Variants in CLSTN2 observed in about 807,000 individuals in gnomAD.
The protein encoded by CLSTN2 is calsyntenin-2.
In CLSTN2, 48 loss-of-function variants were observed where a neutral mutation model predicts 101.2. The ratio of observed to expected loss-of-function variants is 0.47; its 90% CI spans 0.38 to 0.60. The LOEUF (loss-of-function observed/expected upper bound fraction) is 0.60, where lower values mean the gene tolerates loss of function less well. CLSTN2 is among the 20% of genes least tolerant of loss of function. CLSTN2 has a pLI of 0.00. For synonymous variants in CLSTN2, 481 were observed against 463.6 expected, an observed-to-expected ratio of 1.04 and a Z score of -0.48; for missense variants, 1,160 against 1,238.2, an observed-to-expected ratio of 0.94 and a Z score of 0.95.
At chr3:140,123,850 GTA>G (rs66933695) in intron 1 of CLSTN2, among the ~76,000 whole-genome samples, 106,336 of 149,576 alleles carry the variant, frequency 0.71, 37,771 homozygotes, top group East Asian at 0.76. Context: ...ATGTGTGTGT[GTA>G]TATATATATA....
chr3:140,541,305 T>C (rs981487321), intron 9 of CLSTN2, among the ~76,000 whole-genome samples: 5 of 152,252 alleles, frequency 3.3e-5, no homozygotes, highest in Non-Finnish European at 7.3e-5. Context: ...AATTTAAAAA[T>C]TGTCTTTCTC....
At chr3:140,356,204 G>A (rs771246462) in intron 2 of CLSTN2, among the ~76,000 whole-genome samples, 3 of 152,128 alleles carry the variant, frequency 2.0e-5, no homozygotes, top group Non-Finnish European at 4.4e-5. Context: ...CAATAAACAT[G>A]GGAACTTAAA....
intron 8 of CLSTN2, among the ~76,000 whole-genome samples, chr3:140,469,871 G>A (rs549688810): frequency 1.3e-5 from 2 of 152,212 alleles, no homozygotes; most frequent in South Asian, 2.1e-4. Context: ...GAAAACCTCC[G>A]GGTGATTAAT....
At chr3:140,535,963 C>A (rs1167227840) in intron 9 of CLSTN2, among the ~76,000 whole-genome samples, 1 of 152,088 alleles carries the variant, frequency 6.6e-6, no homozygotes, top group Non-Finnish European at 1.5e-5. Context: ...CATATGACAA[C>A]CCTGTAATAA....
chr3:140,324,798 A>G (rs1479875), intron 2 of CLSTN2, among the ~76,000 whole-genome samples: 80,264 of 152,070 alleles, frequency 0.53, 22,320 homozygotes, highest in Non-Finnish European at 0.63. Context: ...CATTTTTACC[A>G]GATTTGTTGA....
chr3:140,221,173 G>T (rs760843688), intron 2 of CLSTN2, among the ~76,000 whole-genome samples: 3 of 152,210 alleles, frequency 2.0e-5, no homozygotes, highest in Non-Finnish European at 4.4e-5. Flanking sequence ...ACCCATTGCA[G>T]GGGTATCAGT....
chr3:140,479,336 C>T (rs1338415299), intron 8 of CLSTN2, among the ~76,000 whole-genome samples: 1 of 152,092 alleles, frequency 6.6e-6, no homozygotes. Flanking sequence ...AAGGATAAAA[C>T]CAAAACTTCT....
intron 1 of CLSTN2, among the ~76,000 whole-genome samples, chr3:140,049,856 G>A (rs1288708827): frequency 6.6e-6 from 1 of 152,218 alleles, no homozygotes; most frequent in African/African-American, 2.4e-5. Context: ...ATGGAAGCTT[G>A]TTTTATCCTG....
At chr3:140,142,352 A>G (rs2009714715) in intron 1 of CLSTN2, among the ~76,000 whole-genome samples, 1 of 152,162 alleles carries the variant, frequency 6.6e-6, no homozygotes, top group Non-Finnish European at 1.5e-5. Flanking sequence ...AGGGACCCTT[A>G]CCCTGAGATG....
At chr3:140,448,870 G>C (rs989770315) in intron 6 of CLSTN2, among the ~76,000 whole-genome samples, 166 bp downstream of exon 6, 2 of 152,170 alleles carry the variant, frequency 1.3e-5, no homozygotes, top group Non-Finnish European at 2.9e-5. Flanking sequence ...GGGTTGGAAG[G>C]CCCAGTTTTT....
At chr3:140,341,746 G>C (rs969219903) in intron 2 of CLSTN2, among the ~76,000 whole-genome samples, 1 of 152,166 alleles carries the variant, frequency 6.6e-6, no homozygotes, top group African/African-American at 2.4e-5. Context: ...GTTAGTCTGC[G>C]ATACATTGAA....
chr3:140,429,836 A>G (rs1312264508), intron 5 of CLSTN2, among the ~76,000 whole-genome samples: 5 of 152,168 alleles, frequency 3.3e-5, no homozygotes, highest in African/African-American at 1.2e-4. Context: ...AAATCTCATG[A>G]GACTCCATAG....
chr3:140,286,764 T>A (rs1055075206), intron 2 of CLSTN2, among the ~76,000 whole-genome samples: 1 of 152,176 alleles, frequency 6.6e-6, no homozygotes, highest in Non-Finnish European at 1.5e-5. Context: ...GAGACAAATA[T>A]TCTGGGAAGA....
At chr3:140,361,204 G>A (rs763027750) in intron 2 of CLSTN2, among the ~76,000 whole-genome samples, 3 of 152,126 alleles carry the variant, frequency 2.0e-5, no homozygotes, top group East Asian at 1.9e-4. Flanking sequence ...GTTAACATCC[G>A]ATAATCAATG....
At chr3:140,202,858 T>C (rs573227887) in intron 2 of CLSTN2, among the ~76,000 whole-genome samples, 9 of 152,136 alleles carry the variant, frequency 5.9e-5, no homozygotes, top group Non-Finnish European at 1.0e-4. Flanking sequence ...CCTGAGCACA[T>C]AACTAGTCTA....
At chr3:140,353,843 T>C (rs931840367) in intron 2 of CLSTN2, among the ~76,000 whole-genome samples, 1 of 152,194 alleles carries the variant, frequency 6.6e-6, no homozygotes, top group African/African-American at 2.4e-5. Context: ...GGTGGTGTTG[T>C]CCATCTTTTC....
chr3:139,937,627 C>T (rs1457075733), intron 1 of CLSTN2, among the ~76,000 whole-genome samples: 4 of 151,566 alleles, frequency 2.6e-5, no homozygotes, highest in African/African-American at 9.7e-5. Flanking sequence ...ACCTGTAATC[C>T]CAGCTACTCG....
chr3:140,365,550 C>T (rs1037941833), intron 2 of CLSTN2, among the ~76,000 whole-genome samples: 2 of 152,172 alleles, frequency 1.3e-5, no homozygotes, highest in African/African-American at 4.8e-5. Context: ...ATGTCCTTCC[C>T]ACAGCCCAGG....
chr3:140,516,121 A>G (rs56679738), intron 8 of CLSTN2, among the ~76,000 whole-genome samples: 9,238 of 152,104 alleles, frequency 0.061, 916 homozygotes, highest in African/African-American at 0.21. Context: ...CTGTTGCTTT[A>G]AAGTTTGTTT....
Sources: gnomAD v4.1 joint callset for allele counts (sites outside exome capture counted in the v4.1 genomes callset) on GRCh38, gnomAD v4.1.1 for gene constraint, MANE v1.5 for transcripts, NCBI Gene and HGNC (gene_info 2026-07-23, HGNC 2026-07-21) for gene names.